Variants in KCNG2 observed in about 807,000 individuals in gnomAD.
KCNG2 encodes the protein potassium voltage-gated channel modifier subfamily G member 2, also known as voltage-gated potassium channel regulatory subunit KCNG2.
In KCNG2, 7 loss-of-function variants were observed where a neutral mutation model predicts 12.3. The ratio of observed to expected loss-of-function variants is 0.57; its 90% CI spans 0.32 to 1.07. The LOEUF (loss-of-function observed/expected upper bound fraction) is 1.07, where lower values mean the gene tolerates loss of function less well. Among genes scored for constraint, KCNG2 ranks in the 50% least tolerant of loss-of-function variants. The pLI, the probability that KCNG2 is intolerant of heterozygous loss-of-function variation, is 0.04. For missense variants in KCNG2, 703 were observed against 726.0 expected, an observed-to-expected ratio of 0.97 and a Z score of 0.36; for synonymous variants, 414 against 351.4, an observed-to-expected ratio of 1.18 and a Z score of -1.99.
At chr18:79,830,508 T>C (rs911634333) in intron 1 of KCNG2, among the ~76,000 whole-genome samples, 14 of 152,240 alleles carry the variant, frequency 9.2e-5, no homozygotes, top group African/African-American at 3.4e-4. Context: ...CGGCAGGTGG[T>C]GTTCAAAGTA....
At chr18:79,820,081 G>A (rs775262704) in intron 1 of KCNG2, among the ~76,000 whole-genome samples, 1 of 152,234 alleles carries the variant, frequency 6.6e-6, no homozygotes, top group Non-Finnish European at 1.5e-5. Flanking sequence ...TGTCTGGGCA[G>A]TGCCCTCGTG....
At chr18:79,828,912 CTGTG>C (rs747354175) in intron 1 of KCNG2, among the ~76,000 whole-genome samples, 4 of 133,552 alleles carry the variant, frequency 3.0e-5, no homozygotes, top group African/African-American at 9.0e-5. Context: ...GTGCATGTGT[CTGTG>C]TGTGTCTATG....
At chr18:79,831,726 TTCATCAGGAGGGTTCCCTGC>T (rs1978297158) in intron 1 of KCNG2, among the ~76,000 whole-genome samples, 2 of 69,384 alleles carry the variant, frequency 2.9e-5, no homozygotes, top group Middle Eastern at 6.3e-3. Context: ...GGACAGAGCC[TTCATCAGGAGGGTTCCCTGC>T]GGACAGAGCC....
chr18:79,823,660 C>G (rs761250860), intron 1 of KCNG2, among the ~76,000 whole-genome samples: 5 of 152,046 alleles, frequency 3.3e-5, no homozygotes, highest in Non-Finnish European at 7.4e-5. Flanking sequence ...TCCTTCACCC[C>G]CTGATGTTTA....
chr18:79,837,450 G>A (rs182413935), intron 1 of KCNG2, among the ~76,000 whole-genome samples: 43 of 152,318 alleles, frequency 2.8e-4, no homozygotes, highest in African/African-American at 8.2e-4. Context: ...AGCTCCACTA[G>A]GCAGTTCCCC....
In KCNG2 at chr18:79,899,291, G is replaced by A. The variant is rs370572094; in HGVS notation, c.876G>A (p.Ala292=). 382 of 1,568,448 alleles carry A rather than the reference G, an allele frequency of 2.4e-4. 1 individual carries two copies. Among genetic ancestry groups the A allele is most frequent in the Middle Eastern group, 1.0e-3 (6 of 5,866 alleles). ...RAGLVLRLLR[A]LRVLYVMRLA... The stretch of plus-strand genomic sequence containing the variant: ...GGCTGGTGCTGCGGCTGCTGCGTGC[G>A]CTGCGCGTGCTCTACGTGATGCGCC... Residue 292 remains alanine (A), a synonymous_variant, in exon 4 of 4, where the codon GCG becomes GCA. Coordinates refer to ENST00000316249, the MANE Select transcript of KCNG2 (RefSeq NM_012283.2).
At chr18:79,855,107 T>G (rs536565016) in intron 1 of KCNG2, among the ~76,000 whole-genome samples, 1 of 152,328 alleles carries the variant, frequency 6.6e-6, no homozygotes, top group Non-Finnish European at 1.5e-5. Context: ...TTCATTATTT[T>G]CTGTAATTCT....
intron 1 of KCNG2, among the ~76,000 whole-genome samples, chr18:79,802,089 G>A (rs1264841134): frequency 3.9e-5 from 6 of 152,188 alleles, no homozygotes; most frequent in Non-Finnish European, 8.8e-5. Flanking sequence ...ATAGTGAGAT[G>A]GAATAGACAG....
At chr18:79,863,476 G>T (rs566616669) in intron 2 of KCNG2, among the ~76,000 whole-genome samples, 152 bp from the exon 3 acceptor site, 33 of 152,354 alleles carry the variant, frequency 2.2e-4, no homozygotes, top group African/African-American at 7.7e-4. Flanking sequence ...TGCAGAGGTC[G>T]GGCCTGCGGA....
intron 1 of KCNG2, among the ~76,000 whole-genome samples, chr18:79,828,812 A>G (rs1165390224): frequency 5.1e-5 from 4 of 77,754 alleles, no homozygotes; most frequent in African/African-American, 1.1e-4. Context: ...GTGGGTGTCT[A>G]TGTGTGCGTG....
chr18:79,880,522 T>C (rs1415061156), intron 3 of KCNG2, among the ~76,000 whole-genome samples: 1 of 151,988 alleles, frequency 6.6e-6, no homozygotes, highest in African/African-American at 2.4e-5. Context: ...CTAACAAAAA[T>C]TTAAGGAATA....
intron 1 of KCNG2, among the ~76,000 whole-genome samples, chr18:79,848,799 C>T (rs1978712130): frequency 6.6e-6 from 1 of 152,138 alleles, no homozygotes; most frequent in Non-Finnish European, 1.5e-5. Flanking sequence ...CCAGAGGCCG[C>T]GGCATTCCCG....
intron 3 of KCNG2, among the ~76,000 whole-genome samples, chr18:79,878,768 C>T (rs1432145006): frequency 6.6e-6 from 1 of 152,228 alleles, no homozygotes; most frequent in Non-Finnish European, 1.5e-5. Flanking sequence ...TGTAAATCCA[C>T]ATGGACGGTG....
intron 1 of KCNG2, among the ~76,000 whole-genome samples, chr18:79,828,508 TG>T (rs1978287949): frequency 4.1e-5 from 1 of 24,420 alleles, no homozygotes; most frequent in East Asian, 0.019. Flanking sequence ...TACATGAGTC[TG>T]TGTAGTGTAA....
At chr18:79,895,740 A>G (rs534308647) in intron 3 of KCNG2, among the ~76,000 whole-genome samples, 1 of 150,848 alleles carries the variant, frequency 6.6e-6, no homozygotes, top group African/African-American at 2.4e-5. Context: ...TTCCCATCTA[A>G]TGTTATGATT....
At chr18:79,807,862 C>T (rs2087463710) in intron 1 of KCNG2, among the ~76,000 whole-genome samples, 2 of 111,974 alleles carry the variant, frequency 1.8e-5, no homozygotes, top group Non-Finnish European at 3.6e-5. Flanking sequence ...CCACACTCCA[C>T]GTTATGGGCC....
chr18:79,855,418 C>T (rs1978975156), intron 1 of KCNG2, among the ~76,000 whole-genome samples: 1 of 152,012 alleles, frequency 6.6e-6, no homozygotes, highest in South Asian at 2.1e-4. Context: ...TGCGGGCTGC[C>T]CTGGGGCAGA....
At chr18:79,882,784 CGTGG>C in intron 3 of KCNG2, among the ~76,000 whole-genome samples, 2 of 148,640 alleles carry the variant, frequency 1.3e-5, no homozygotes, top group Non-Finnish European at 3.0e-5. Flanking sequence ...TACACCTGCG[CGTGG>C]AGCGCGGAGG....
intron 1 of KCNG2, among the ~76,000 whole-genome samples, chr18:79,854,379 T>C (rs567322746): frequency 6.6e-6 from 1 of 152,304 alleles, no homozygotes; most frequent in South Asian, 2.1e-4. Context: ...TTTCCCCTGG[T>C]TACGTTTATT....
Sources: allele counts gnomAD v4.1 joint callset (sites outside exome capture counted in the v4.1 genomes callset), GRCh38; gene constraint gnomAD v4.1.1; transcripts MANE v1.5; gene names NCBI Gene and HGNC (gene_info 2026-07-23, HGNC 2026-07-21).